CAMK1D: variants seen among roughly 807,000 people sequenced by gnomAD.
CAMK1D encodes the protein calcium/calmodulin dependent protein kinase ID.
A neutral mutation model predicts 47.7 loss-of-function variants in CAMK1D; 9 were observed. That is an observed-to-expected ratio of 0.19 (90% CI 0.11 to 0.33). The LOEUF (loss-of-function observed/expected upper bound fraction) is 0.33. Among genes scored for constraint, CAMK1D ranks in the 10% least tolerant of loss-of-function variants. CAMK1D has a pLI of 1.00. For missense variants in CAMK1D, 291 were observed against 488.7 expected (o/e 0.60, Z 3.81); for synonymous variants, 184 against 184.9 (o/e 0.99, Z 0.04).
At chr10:12,522,551 ATCTT>A (rs1835457520) in intron 1 of CAMK1D, among the ~76,000 whole-genome samples, 1 of 152,050 alleles carries the variant, frequency 6.6e-6, no homozygotes, top group Non-Finnish European at 1.5e-5. Context: ...AGGCAGAAGA[ATCTT>A]TCTTAGTACA....
intron 1 of CAMK1D, among the ~76,000 whole-genome samples, chr10:12,472,425 G>A (rs935694197): frequency 6.6e-6 from 1 of 152,044 alleles, no homozygotes; most frequent in African/African-American, 2.4e-5. Flanking sequence ...CTCCCTCTAT[G>A]CAGGGAGGCC....
In CAMK1D at chr10:12,718,456, A is replaced by C. The variant is rs541242230; in HGVS notation, c.300-42492A>C. Among the ~76,000 whole-genome samples the C allele has an allele frequency of 9.9e-4, 151 of 152,310 alleles. 1 individual carries two copies. Among genetic ancestry groups the C allele is most frequent in the African/African-American group, 3.4e-3 (142 of 41,564 alleles). On this transcript the variant is annotated intron_variant, in intron 3 of 10. Coordinates refer to ENST00000619168, the MANE Select transcript of CAMK1D (RefSeq NM_153498.4). ...CAGTGACGGTACCCACAAGGTGGGA[A>C]TCTTATGGCTAAAAGGATTTTAATT...
intron 3 of CAMK1D, among the ~76,000 whole-genome samples, chr10:12,744,898 C>G (rs1262675110): frequency 6.6e-6 from 1 of 152,178 alleles, no homozygotes; most frequent in Admixed American, 6.5e-5. Context: ...AAGACCCTGT[C>G]TCTAAAAATA....
At chr10:12,442,729 T>G (rs1251078020) in intron 1 of CAMK1D, among the ~76,000 whole-genome samples, 1 of 152,152 alleles carries the variant, frequency 6.6e-6, no homozygotes, top group Non-Finnish European at 1.5e-5. Context: ...ATATCGAGTG[T>G]TTTTTTCTTC....
At chr10:12,414,455 C>T (rs999862123) in intron 1 of CAMK1D, among the ~76,000 whole-genome samples, 4 of 152,116 alleles carry the variant, frequency 2.6e-5, no homozygotes, top group Non-Finnish European at 5.9e-5. Flanking sequence ...CTGGGAGGAA[C>T]CTGGCTCGAG....
rs781753117 is a variant in CAMK1D at position 12,553,314 on chromosome 10, G to A, written c.182G>A (p.Gly61Asp). The change falls in exon 2 of 11, where the codon GGC becomes GAC. Residue 61 changes from glycine to aspartate, a missense_variant. By Grantham distance (94) the Gly-to-Asp change is moderately conservative (BLOSUM62 -1). Transcript: ENST00000619168. ...VKCIPKKALK[G>D]KESSIENEIA... ...TGTATCCCTAAGAAGGCGCTGAAGGGCAAGGAAAGCAGCATAGAGAATGAG... is the reference window on the plus strand; with the variant it reads ...TGTATCCCTAAGAAGGCGCTGAAGGACAAGGAAAGCAGCATAGAGAATGAG... The A allele has an allele frequency of 1.1e-5, 17 of 1,614,028 alleles. No individual in the cohort carries two copies. The Admixed American group carries it at 2.3e-4, about 22-fold the overall frequency.
chr10:12,677,102 A>G (rs1403821585), intron 3 of CAMK1D, among the ~76,000 whole-genome samples: 1 of 152,150 alleles, frequency 6.6e-6, no homozygotes, highest in East Asian at 1.9e-4. Flanking sequence ...AAGAGAAAAT[A>G]TGGTCTCTGT....
At chr10:12,545,070 C>T (rs1317301036) in intron 1 of CAMK1D, among the ~76,000 whole-genome samples, 1 of 152,104 alleles carries the variant, frequency 6.6e-6, no homozygotes, top group Admixed American at 6.5e-5. Flanking sequence ...GGTCTGAAGA[C>T]ACAGAAACAG....
chr10:12,476,824 A>C (rs1415490902), intron 1 of CAMK1D, among the ~76,000 whole-genome samples: 1 of 152,116 alleles, frequency 6.6e-6, no homozygotes, highest in Non-Finnish European at 1.5e-5. Context: ...CCTTCTCAGC[A>C]GGCCTGCCCA....
At position 12,359,803 on chromosome 10, in the gene CAMK1D, C is replaced by A. The variant is rs187727850; in HGVS notation, c.92+9893C>A. 3.9e-5 allele frequency among the ~76,000 whole-genome samples: 6 copies of A among 152,226 alleles called. No individual in the cohort carries two copies. In the East Asian group the frequency reaches 1.2e-3, roughly 29 times the overall value. On this transcript the variant is annotated intron_variant, in intron 1 of 10. Transcript: ENST00000619168. ...TTTTGTAGTTTAAAACCTATAGGTACTGAATTTATTTTAATGCTAGAGTAT... is the reference window on the plus strand; with the variant it reads ...TTTTGTAGTTTAAAACCTATAGGTAATGAATTTATTTTAATGCTAGAGTAT...
At chr10:12,364,518 C>T (rs1255543236) in intron 1 of CAMK1D, among the ~76,000 whole-genome samples, 2 of 152,062 alleles carry the variant, frequency 1.3e-5, no homozygotes, top group African/African-American at 2.4e-5. Flanking sequence ...ACTAGGATTA[C>T]AGGCCTGAGC....
At chr10:12,598,045 C>A (rs566586267) in intron 2 of CAMK1D, among the ~76,000 whole-genome samples, 1 of 152,214 alleles carries the variant, frequency 6.6e-6, no homozygotes, top group East Asian at 1.9e-4. Flanking sequence ...GTGAAACACA[C>A]GCATTTGTAA....
At chr10:12,358,442 A>G (rs1268799398) in intron 1 of CAMK1D, among the ~76,000 whole-genome samples, 1 of 152,128 alleles carries the variant, frequency 6.6e-6, no homozygotes, top group African/African-American at 2.4e-5. Flanking sequence ...CTGAGGCGTG[A>G]GAAACGCTTG....
At chr10:12,745,199 T>C (rs1835612286) in intron 3 of CAMK1D, among the ~76,000 whole-genome samples, 1 of 151,892 alleles carries the variant, frequency 6.6e-6, no homozygotes, top group Non-Finnish European at 1.5e-5. Context: ...CCCAGCCAAT[T>C]TTTTGTATTT....
intron 2 of CAMK1D, among the ~76,000 whole-genome samples, chr10:12,581,057 A>C (rs1298697170): frequency 6.6e-6 from 1 of 151,974 alleles, no homozygotes. Flanking sequence ...CTTTCCCCCA[A>C]GTCTCCAGAG....
chr10:12,559,065 T>C (rs895882068), intron 2 of CAMK1D, among the ~76,000 whole-genome samples: 3 of 151,960 alleles, frequency 2.0e-5, no homozygotes, highest in Non-Finnish European at 4.4e-5. Flanking sequence ...TGCAGCACTT[T>C]GGGAGGCTGA....
At chr10:12,408,843 TCTTTC>T (rs1839546190) in intron 1 of CAMK1D, among the ~76,000 whole-genome samples, 1 of 117,160 alleles carries the variant, frequency 8.5e-6, no homozygotes, top group African/African-American at 3.0e-5. Context: ...TTTCTTTCTT[TCTTTC>T]TTTTTTTTTT....
intron 2 of CAMK1D, among the ~76,000 whole-genome samples, chr10:12,566,136 A>T (rs1174776271): frequency 1.3e-5 from 2 of 152,154 alleles, no homozygotes; most frequent in African/African-American, 4.8e-5. Context: ...CGTTGTAGGG[A>T]TCAAACAGTC....
rs1220008530 is a variant in CAMK1D at position 12,613,400 on chromosome 10, G to A, written c.225-53336G>A. Among the ~76,000 whole-genome samples the A allele has an allele frequency of 2.6e-5, 4 of 152,196 alleles. No homozygotes were observed. The South Asian group carries it at 8.3e-4, about 31-fold the overall frequency. ...AAAAATAGGCCAGTGTTATTGAAAA[G>A]CCTGATTGCATTTCTGTCATCTAAA... On this transcript the variant is annotated intron_variant, in intron 2 of 10. Coordinates refer to ENST00000619168, the MANE Select transcript of CAMK1D (RefSeq NM_153498.4).
Sources: allele counts gnomAD v4.1 joint callset (sites outside exome capture counted in the v4.1 genomes callset), GRCh38; gene constraint gnomAD v4.1.1; transcripts MANE v1.5; gene names NCBI Gene and HGNC (gene_info 2026-07-23, HGNC 2026-07-21).